The following KMT2C variants were observed in gnomAD, a reference collection of about 807,000 sequenced individuals.
KMT2C encodes histone-lysine N-methyltransferase 2C.
A neutral mutation model predicts 507.9 loss-of-function variants in KMT2C; 88 were observed. The ratio of observed to expected loss-of-function variants is 0.17; its 90% CI spans 0.15 to 0.21. KMT2C has a LOEUF of 0.21. Among genes scored for constraint, KMT2C ranks in the 10% least tolerant of loss-of-function variants. The pLI, the probability that KMT2C is intolerant of heterozygous loss-of-function variation, is 1.00. For synonymous variants in KMT2C, 2,049 were observed against 2,080.8 expected (o/e 0.98, Z 0.42); for missense variants, 4,954 against 5,957.8 (o/e 0.83, Z 5.55).
At chr7:152,233,533 A>G (rs185881824) in intron 16 of KMT2C, among the ~76,000 whole-genome samples, 1 of 152,296 alleles carries the variant, frequency 6.6e-6, no homozygotes, top group East Asian at 1.9e-4. Flanking sequence ...ATAAAACAGA[A>G]AGGGGAAAGA....
rs1389397875 is a variant in KMT2C, at chr7:152,248,403, T to C, written c.2031A>G (p.Val677=). ...LQLLEEPETV[V]SREESRPPKL... Reference sequence around the variant, plus strand: ...TTGGAGGCCTTGATTCTTCTCTGGATACCACTGTTTCAGGTTCCTCTAACA... The same window carrying C: ...TTGGAGGCCTTGATTCTTCTCTGGACACCACTGTTTCAGGTTCCTCTAACA... Residue 677 remains valine, a synonymous_variant, in exon 14 of 59, where the codon GTA becomes GTG. Coordinates refer to ENST00000262189, the MANE Select transcript of KMT2C (RefSeq NM_170606.3). The C allele has an allele frequency of 6.2e-7, 1 of 1,613,994 alleles. No individual in the cohort carries two copies. Among genetic ancestry groups the C allele is most frequent in the East Asian group, 2.2e-5 (1 of 44,894 alleles).
chr7:152,366,857 G>A (rs888569846), intron 1 of KMT2C: 7 of 296,290 alleles, frequency 2.4e-5, no homozygotes, highest in African/African-American at 4.5e-5. Context: ...ACAACTTCCC[G>A]GCCTGCAGAG....
chr7:152,227,133 T>TC (rs2094957708), intron 18 of KMT2C, among the ~76,000 whole-genome samples: 1 of 152,216 alleles, frequency 6.6e-6, no homozygotes, highest in Non-Finnish European at 1.5e-5. Flanking sequence ...GCCAGGCTTG[T>TC]CAAGACCTTC....
intron 2 of KMT2C, among the ~76,000 whole-genome samples, chr7:152,332,707 G>A (rs919655723): frequency 5.3e-5 from 8 of 152,098 alleles, no homozygotes; most frequent in African/African-American, 1.7e-4. Context: ...AATTAGCCGG[G>A]CTTGGTGGCA....
chr7:152,193,374 C>A (rs1026878832), intron 31 of KMT2C, among the ~76,000 whole-genome samples: 2 of 152,054 alleles, frequency 1.3e-5, no homozygotes, highest in East Asian at 3.9e-4. Flanking sequence ...GAAAAATGAA[C>A]AAAATAGGCA....
intron 46 of KMT2C, 37 bp from the exon 47 acceptor site, chr7:152,154,482 A>G: frequency 6.3e-7 from 1 of 1,591,412 alleles, no homozygotes; most frequent in Non-Finnish European, 8.6e-7. Context: ...AAGTCTGCAA[A>G]TCCACCACTG....
intron 9 of KMT2C, among the ~76,000 whole-genome samples, chr7:152,257,643 A>T (rs1016402458): frequency 5.9e-5 from 9 of 152,212 alleles, no homozygotes; most frequent in African/African-American, 2.2e-4. Context: ...AAGAATGAGA[A>T]GGCAAAGAAT....
At chr7:152,196,068 T>C in intron 27 of KMT2C, 57 bp from the exon 28 acceptor site, 1 of 1,053,958 alleles carries the variant, frequency 9.5e-7, no homozygotes, top group Non-Finnish European at 1.4e-6. Context: ...TATTAAGCCA[T>C]TTGCTAAAAA....
At chr7:152,434,488 G>A (rs1268206861) in intron 1 of KMT2C, among the ~76,000 whole-genome samples, 2 of 152,136 alleles carry the variant, frequency 1.3e-5, no homozygotes, top group Non-Finnish European at 2.9e-5. Context: ...CTATTACTAA[G>A]TGAATGCACC....
In KMT2C at chr7:152,177,813, G is replaced by A. The variant is rs2129115443; in HGVS notation, c.7640C>T (p.Pro2547Leu). Residue 2547 changes from proline (P) to leucine (L), a missense_variant, in exon 38 of 59, where the codon CCA becomes CTA. Pro to Leu is a moderately conservative substitution (Grantham distance 98). Coordinates refer to ENST00000262189, the MANE Select transcript of KMT2C (RefSeq NM_170606.3). ...GCCCAGTATGTTGTGCTGCTGAACT[G>A]GCAAGCTCTGTGGTGAAAAATGCTG... ...LPQHFSPQSLPVQQHNILGQA... is the reference protein window; with the variant it reads ...LPQHFSPQSLLVQQHNILGQA... 6.2e-7 allele frequency: 1 copy of A among 1,613,816 alleles called. No individual in the cohort carries two copies. Among genetic ancestry groups the A allele is most frequent in the South Asian group, 1.1e-5 (1 of 91,056 alleles).
intron 1 of KMT2C, among the ~76,000 whole-genome samples, chr7:152,375,138 G>A (rs111557258): frequency 2.0e-5 from 3 of 152,232 alleles, no homozygotes; most frequent in African/African-American, 7.2e-5. Context: ...CGCCTCCCAG[G>A]TTCAAGTGGT....
chr7:152,357,396 C>T (rs977332629), intron 2 of KMT2C, among the ~76,000 whole-genome samples: 2 of 151,968 alleles, frequency 1.3e-5, no homozygotes, highest in African/African-American at 2.4e-5. Context: ...TGGTGGCGGG[C>T]GCCTGTAGTC....
intron 1 of KMT2C, among the ~76,000 whole-genome samples, chr7:152,425,055 A>T (rs1040158429): frequency 3.9e-5 from 6 of 152,198 alleles, no homozygotes; most frequent in Non-Finnish European, 5.9e-5. Context: ...ATACAATAGC[A>T]TGAATACCCA....
chr7:152,314,724 CTATTG>C (rs1422389433), intron 4 of KMT2C, among the ~76,000 whole-genome samples: 1 of 151,966 alleles, frequency 6.6e-6, no homozygotes, highest in Non-Finnish European at 1.5e-5. Context: ...TCTGGATTTG[CTATTG>C]TATTATGTTA....
chr7:152,307,274 A>ACGGACGGAAGGAAGGAAGGAAGG (rs2096628254), intron 6 of KMT2C, among the ~76,000 whole-genome samples: 1 of 96,288 alleles, frequency 1.0e-5, no homozygotes, highest in Non-Finnish European at 2.0e-5. Context: ...AGGAAGGAAG[A>ACGGACGGAAGGAAGGAAGGAAGG]AAGAAAGGAA....
At chr7:152,143,101 T>G (rs1029011697) in intron 55 of KMT2C, among the ~76,000 whole-genome samples, 2 of 151,988 alleles carry the variant, frequency 1.3e-5, no homozygotes, top group Middle Eastern at 3.4e-3. Flanking sequence ...GGTATAAGAG[T>G]GAATGGACTA....
chr7:152,325,777 ATTTGTT>A (rs2096822809), intron 3 of KMT2C, among the ~76,000 whole-genome samples: 2 of 152,048 alleles, frequency 1.3e-5, no homozygotes, highest in South Asian at 4.1e-4. Flanking sequence ...AGGGCTTTCC[ATTTGTT>A]TTTTAAAAGT....
chr7:152,136,634 C>G lies in KMT2C; in HGVS notation c.*198G>C. The G allele has an allele frequency of 3.5e-6, 2 of 579,384 alleles. No homozygotes were observed. Among genetic ancestry groups the G allele is most frequent in the Non-Finnish European group, 6.2e-6 (2 of 324,948 alleles). The allele number at this position is 579,384 out of a possible 1,614,324, so 35.9% of individuals were successfully genotyped here. ...TGATTCCGTTTAACCTCGGCCACTT[C>G]AGGAACGCTGCTTCTGTCAGCTTCC... On this transcript the variant is annotated 3_prime_UTR_variant, in exon 59 of 59. Transcript: ENST00000262189.
At chr7:152,232,752 CA>C (rs1285621765) in intron 16 of KMT2C, among the ~76,000 whole-genome samples, 1 of 151,318 alleles carries the variant, frequency 6.6e-6, no homozygotes, top group Non-Finnish European at 1.5e-5. Flanking sequence ...AGATGATTCA[CA>C]AAAGTAGAAT....
Sources: gnomAD v4.1 joint callset for allele counts (sites outside exome capture counted in the v4.1 genomes callset) on GRCh38, gnomAD v4.1.1 for gene constraint, MANE v1.5 for transcripts, NCBI Gene and HGNC (gene_info 2026-07-23, HGNC 2026-07-21) for gene names.